ADGRG6: variants seen among roughly 807,000 people sequenced by gnomAD.
ADGRG6 encodes the protein adhesion G protein-coupled receptor G6.
A neutral mutation model predicts 142.4 loss-of-function variants in ADGRG6; 84 were observed. That is an observed-to-expected ratio of 0.59 (90% CI 0.49 to 0.71). The LOEUF is 0.71. ADGRG6 is among the 30% of genes least tolerant of loss of function. ADGRG6 has a pLI of 0.00. For missense variants in ADGRG6, 1,367 were observed against 1,466.6 expected (o/e 0.93, Z 1.11); for synonymous variants, 521 against 520.5 (o/e 1.00, Z -0.01).
intron 4 of ADGRG6, among the ~76,000 whole-genome samples, chr6:142,380,566 G>A (rs917186303): frequency 9.2e-5 from 14 of 152,182 alleles, no homozygotes; most frequent in African/African-American, 3.4e-4. Context: ...AAAGCCCAGT[G>A]ACTTGAGTGC....
intron 4 of ADGRG6, among the ~76,000 whole-genome samples, chr6:142,377,908 T>G (rs983151167): frequency 2.0e-5 from 3 of 152,254 alleles, no homozygotes; most frequent in African/African-American, 7.2e-5. Flanking sequence ...CTTGTATTTA[T>G]ACCATTTTTA....
intron 4 of ADGRG6, among the ~76,000 whole-genome samples, chr6:142,377,880 TTTTAA>T (rs1299968215): frequency 1.4e-4 from 22 of 152,364 alleles, no homozygotes; most frequent in African/African-American, 4.8e-4. Context: ...TTAAATTTCC[TTTTAA>T]TTAAATTAGT....
chr6:142,416,153 A>T, intron 20 of ADGRG6, 89 bp downstream of exon 20: 1 of 933,024 alleles, frequency 1.1e-6, no homozygotes, highest in Non-Finnish European at 1.6e-6. Context: ...AAAAAAAAAT[A>T]GTACCATTAA....
intron 2 of ADGRG6, among the ~76,000 whole-genome samples, chr6:142,338,016 T>TG (rs1554234583): frequency 2.0e-5 from 1 of 51,180 alleles, no homozygotes; most frequent in Non-Finnish European, 3.5e-5. Flanking sequence ...CTTGTATCTT[T>TG]GTTTTTTTTT....
In ADGRG6 at chr6:142,437,518, G is replaced by A. The variant is rs375435005; in HGVS notation, c.3404G>A (p.Arg1135Gln). 7.6e-5 allele frequency: 115 copies of A among 1,511,284 alleles called. No individual in the cohort carries two copies. Among genetic ancestry groups the A allele is most frequent in the Middle Eastern group, 6.8e-4 (4 of 5,882 alleles). 93.6% of individuals were successfully genotyped at this position (1,511,284 alleles called of 1,614,324 possible). The part of the protein sequence containing the change: ...WRQHLCCGRF[R>Q]LADNSDWSKT... ...CAGCATCTCTGCTGTGGTAGATTTCGGTTAGCAGATAACTCAGGTAAAGAG... is the reference window on the plus strand; with the variant it reads ...CAGCATCTCTGCTGTGGTAGATTTCAGTTAGCAGATAACTCAGGTAAAGAG... Residue 1135 changes from arginine (R) to glutamine (Q), a missense_variant, in exon 23 of 25, where the codon CGG becomes CAG. Physicochemically the swap from Arg to Gln is conservative, Grantham distance 43. Transcript: ENST00000367609.
chr6:142,400,461 A>G, intron 10 of ADGRG6, 24 bp from the exon 11 acceptor site: 1 of 1,105,396 alleles, frequency 9.0e-7, no homozygotes, highest in Non-Finnish European at 1.4e-6. Flanking sequence ...AATATTTCTC[A>G]TGCTGGTTCT....
chr6:142,399,654 T>G (rs555928961), intron 10 of ADGRG6, among the ~76,000 whole-genome samples: 17 of 152,204 alleles, frequency 1.1e-4, no homozygotes, highest in Non-Finnish European at 2.2e-4. Context: ...AATGAATCTG[T>G]GGATAAGCGC....
intron 18 of ADGRG6, 99 bp from the exon 19 acceptor site, chr6:142,414,870 G>C (rs546744748): frequency 1.1e-6 from 1 of 876,192 alleles, no homozygotes; most frequent in East Asian, 2.8e-5. Flanking sequence ...GCCCCTGAGA[G>C]TAAGCTGCTC....
chr6:142,319,603 T>C (rs898861511), intron 2 of ADGRG6, among the ~76,000 whole-genome samples: 2 of 152,152 alleles, frequency 1.3e-5, no homozygotes, highest in African/African-American at 4.8e-5. Flanking sequence ...TACCACCTGG[T>C]TTGCCTAGTT....
At chr6:142,403,205 A>G (rs548150111) in intron 13 of ADGRG6, among the ~76,000 whole-genome samples, 1 of 152,274 alleles carries the variant, frequency 6.6e-6, no homozygotes, top group African/African-American at 2.4e-5. Flanking sequence ...CCACAGCCAC[A>G]TGATTGTTGG....
intron 5 of ADGRG6, among the ~76,000 whole-genome samples, chr6:142,383,178 C>T (rs932490665): frequency 5.9e-5 from 9 of 151,960 alleles, no homozygotes; most frequent in Non-Finnish European, 1.2e-4. Context: ...TAAAGCTTGC[C>T]CTGTGAAATA....
At chr6:142,389,644 A>T (rs762474246) in intron 6 of ADGRG6, among the ~76,000 whole-genome samples, 1 of 151,858 alleles carries the variant, frequency 6.6e-6, no homozygotes, top group Non-Finnish European at 1.5e-5. Context: ...TCTACCTGCA[A>T]ATATTGTTTC....
At chr6:142,364,594 T>A (rs1347385921) in intron 2 of ADGRG6, among the ~76,000 whole-genome samples, 1 of 152,224 alleles carries the variant, frequency 6.6e-6, no homozygotes, top group African/African-American at 2.4e-5. Context: ...CATGTTATCC[T>A]CCCAATAACT....
rs1176826782 is a variant in ADGRG6, at chr6:142,437,462, T to A, written c.3348T>A (p.Ala1116=). ...TATTTATATTCATCTTCCACTGTGC[T>A]ATGAAGGAGAATGTTCAGAAACAGT... ...QGLFIFIFHC[A]MKENVQKQWR... is the part of the protein sequence containing the mutation. Residue 1116 remains alanine, a synonymous_variant, in exon 23 of 25, where the codon GCT becomes GCA. Coordinates refer to ENST00000367609, the MANE Select transcript of ADGRG6 (RefSeq NM_198569.3). 1.3e-6 allele frequency: 2 copies of A among 1,571,184 alleles called. No individual in the cohort carries two copies. Among genetic ancestry groups the A allele is most frequent in the Non-Finnish European group, 1.8e-6 (2 of 1,141,120 alleles).
chr6:142,373,273 T>A (rs9484631), intron 4 of ADGRG6, among the ~76,000 whole-genome samples: 2,628 of 151,458 alleles, frequency 0.017, 85 homozygotes, highest in African/African-American at 0.06. Flanking sequence ...CAGGATAGGC[T>A]AAAGCTCATT....
intron 1 of ADGRG6, chr6:142,302,559 A>G (rs115493127): frequency 5.7e-6 from 3 of 523,260 alleles, no homozygotes; most frequent in Admixed American, 3.6e-5. Flanking sequence ...TTTTTCCCCC[A>G]GCGAGGTAAA....
chr6:142,336,781 C>A (rs896869568), intron 2 of ADGRG6, among the ~76,000 whole-genome samples: 1 of 152,162 alleles, frequency 6.6e-6, no homozygotes, highest in South Asian at 2.1e-4. Context: ...TGCAGATGAG[C>A]AAACTGAGTT....
At chr6:142,365,530 C>T (rs976284143) in intron 2 of ADGRG6, among the ~76,000 whole-genome samples, 1 of 152,108 alleles carries the variant, frequency 6.6e-6, no homozygotes, top group African/African-American at 2.4e-5. Flanking sequence ...AATCATCTCA[C>T]AAATGGAAGT....
chr6:142,420,070 C>T lies in ADGRG6; in HGVS notation c.3285C>T (p.Phe1095=), dbSNP rs1317660234. 6.2e-7 allele frequency: 1 copy of T among 1,612,374 alleles called. No individual in the cohort carries two copies. The highest frequency in any genetic ancestry group is 8.5e-7 in the Non-Finnish European group (1 of 1,178,620). Residue 1095 remains phenylalanine, a synonymous_variant, in exon 22 of 25, where the codon TTC becomes TTT. Transcript: ENST00000367609. ...CCTGGGGACCCTTAAATATCCCCTT[C>T]ATGTACCTCTTCTCCATCTTCAATT... is the stretch of plus-strand genomic sequence containing the variant. ...FFAWGPLNIP[F]MYLFSIFNSL...
Sources: allele counts gnomAD v4.1 joint callset (sites outside exome capture counted in the v4.1 genomes callset), GRCh38; gene constraint gnomAD v4.1.1; transcripts MANE v1.5; gene names NCBI Gene and HGNC (gene_info 2026-07-23, HGNC 2026-07-21).